The following ELOVL7 variants were observed in gnomAD, a reference collection of about 807,000 sequenced individuals.
ELOVL7 encodes the protein ELOVL fatty acid elongase 7, also known as very long chain fatty acid elongase 7.
Under a neutral mutation model 35.7 loss-of-function variants are expected in ELOVL7, and 27 were observed. The ratio of observed to expected loss-of-function variants is 0.76; its 90% CI spans 0.56 to 1.04. The LOEUF (loss-of-function observed/expected upper bound fraction) is 1.04. Among genes scored for constraint, ELOVL7 ranks in the 50% least tolerant of loss-of-function variants. The pLI is 0.00. For missense variants in ELOVL7, 327 were observed against 340.8 expected (o/e 0.96, Z 0.32); for synonymous variants, 113 against 114.6 (o/e 0.99, Z 0.09).
chr5:60,760,262 G>A (rs374079672), intron 7 of ELOVL7, among the ~76,000 whole-genome samples: 2 of 152,158 alleles, frequency 1.3e-5, no homozygotes, highest in African/African-American at 4.8e-5. Context: ...CCAACAGTGT[G>A]AAAGTGTTCC....
At chr5:60,833,896 CATTTT>C (rs1746630496) in intron 1 of ELOVL7, among the ~76,000 whole-genome samples, 1 of 152,098 alleles carries the variant, frequency 6.6e-6, no homozygotes, top group African/African-American at 2.4e-5. Flanking sequence ...TTATTTTTCT[CATTTT>C]ATAAGTTTGG....
chr5:60,786,244 A>C (rs1743577007), intron 3 of ELOVL7, among the ~76,000 whole-genome samples: 1 of 152,222 alleles, frequency 6.6e-6, no homozygotes. Context: ...GATCCATCTC[A>C]GTTCTAAGAT....
At chr5:60,770,841 G>T (rs1417984365) in intron 4 of ELOVL7, among the ~76,000 whole-genome samples, 1 of 152,154 alleles carries the variant, frequency 6.6e-6, no homozygotes, top group Non-Finnish European at 1.5e-5. Context: ...GGGACCACGG[G>T]CGTGCACCGC....
intron 2 of ELOVL7, among the ~76,000 whole-genome samples, chr5:60,791,256 C>T (rs141138936): frequency 2.0e-5 from 3 of 152,258 alleles, no homozygotes; most frequent in African/African-American, 7.2e-5. Context: ...GGATTACAGG[C>T]GTGAGAAACC....
At chr5:60,824,725 C>A (rs1026081615) in intron 1 of ELOVL7, among the ~76,000 whole-genome samples, 10 of 152,236 alleles carry the variant, frequency 6.6e-5, no homozygotes, top group Admixed American at 2.6e-4. Context: ...CGGATTGCTG[C>A]AGTAGCCTCT....
At chr5:60,799,053 G>T (rs184981989) in intron 2 of ELOVL7, 127 bp downstream of exon 2, 1 of 151,994 alleles carries the variant, frequency 6.6e-6, no homozygotes, top group African/African-American at 2.4e-5. Context: ...ATAACAGGAA[G>T]AAAACTGGAA....
chr5:60,834,554 G>C (rs185654137), intron 1 of ELOVL7, among the ~76,000 whole-genome samples: 1 of 152,198 alleles, frequency 6.6e-6, no homozygotes, highest in Admixed American at 6.5e-5. Flanking sequence ...TGTAATCCCA[G>C]CTACTTGGGA....
chr5:60,785,545 T>C (rs1288953425), intron 3 of ELOVL7, among the ~76,000 whole-genome samples: 1 of 152,180 alleles, frequency 6.6e-6, no homozygotes, highest in Non-Finnish European at 1.5e-5. Context: ...ATAACTCTAT[T>C]TCAAAAACCC....
intron 3 of ELOVL7, among the ~76,000 whole-genome samples, chr5:60,776,388 G>C (rs1264309781): frequency 6.6e-6 from 1 of 152,104 alleles, no homozygotes; most frequent in Non-Finnish European, 1.5e-5. Flanking sequence ...GGTACATACT[G>C]AAAGGAAAAT....
At chr5:60,808,607 A>G (rs1253341945) in intron 1 of ELOVL7, among the ~76,000 whole-genome samples, 1 of 152,188 alleles carries the variant, frequency 6.6e-6, no homozygotes, top group Admixed American at 6.5e-5. Context: ...ATGACCCAGC[A>G]ATTTTACTCT....
At chr5:60,828,921 GTTA>G (rs1380751164) in intron 1 of ELOVL7, among the ~76,000 whole-genome samples, 1 of 152,058 alleles carries the variant, frequency 6.6e-6, no homozygotes, top group Non-Finnish European at 1.5e-5. Flanking sequence ...ATGACATTAA[GTTA>G]TTATTTTTAA....
intron 3 of ELOVL7, among the ~76,000 whole-genome samples, chr5:60,774,340 C>T (rs1176326335): frequency 6.6e-6 from 1 of 152,136 alleles, no homozygotes; most frequent in East Asian, 1.9e-4. Context: ...AAAGTTGGTT[C>T]AACATATTCA....
At chr5:60,767,802 T>G (rs756688463) in intron 5 of ELOVL7, 21 bp downstream of exon 5, 2 of 1,598,204 alleles carry the variant, frequency 1.3e-6, no homozygotes, top group Non-Finnish European at 1.7e-6. Context: ...GAATTTCAAG[T>G]TTTTCCAAAG....
intron 2 of ELOVL7, among the ~76,000 whole-genome samples, chr5:60,795,509 G>A (rs984283108): frequency 6.6e-6 from 1 of 152,112 alleles, no homozygotes; most frequent in African/African-American, 2.4e-5. Flanking sequence ...AACCTCTTTG[G>A]GTACCCTCCC....
chr5:60,832,449 T>G (rs1302915821), intron 1 of ELOVL7, among the ~76,000 whole-genome samples: 1 of 151,966 alleles, frequency 6.6e-6, no homozygotes, highest in Non-Finnish European at 1.5e-5. Context: ...CACAGCAACC[T>G]CTGCCTCCTG....
At chr5:60,786,730 A>G (rs1447006950) in intron 3 of ELOVL7, among the ~76,000 whole-genome samples, 1 of 152,034 alleles carries the variant, frequency 6.6e-6, no homozygotes, top group Non-Finnish European at 1.5e-5. Flanking sequence ...GCGGATCACG[A>G]GGTCAGGAGA....
At chr5:60,771,844 A>G (rs1742608281) in intron 4 of ELOVL7, 59 bp downstream of exon 4, 1 of 1,205,952 alleles carries the variant, frequency 8.3e-7, no homozygotes, top group Admixed American at 2.3e-5. Context: ...AAACATAATG[A>G]CACATAAACA....
intron 1 of ELOVL7, among the ~76,000 whole-genome samples, chr5:60,815,550 AT>A (rs1168656784): frequency 4.8e-4 from 4 of 8,348 alleles, no homozygotes; most frequent in East Asian, 0.014. Context: ...AAATTTATTT[AT>A]TTTATAAATA....
rs149650061 is a variant in ELOVL7, at chr5:60,784,806, A to G, written c.64+2528T>C. On this transcript the variant is annotated intron_variant, in intron 3 of 8. Transcript: ENST00000508821. Reference sequence around the variant, plus strand: ...CTGACAGCGTTTTTTATAAAGCTGTATATCTCAAAACAAAACATTTTAACC... The same window carrying G: ...CTGACAGCGTTTTTTATAAAGCTGTGTATCTCAAAACAAAACATTTTAACC... 2.4e-3 allele frequency among the ~76,000 whole-genome samples: 371 copies of G among 152,368 alleles called. 3 individuals are homozygous for G. The highest frequency in any genetic ancestry group is 8.3e-3 in the African/African-American group (347 of 41,586).
Sources: gnomAD v4.1 joint callset for allele counts (sites outside exome capture counted in the v4.1 genomes callset) on GRCh38, gnomAD v4.1.1 for gene constraint, MANE v1.5 for transcripts, NCBI Gene and HGNC (gene_info 2026-07-23, HGNC 2026-07-21) for gene names.